WDR7: variants seen among roughly 807,000 people sequenced by gnomAD.
WDR7 encodes WD repeat-containing protein 7.
A neutral mutation model predicts 169.4 loss-of-function variants in WDR7; 46 were observed. The ratio of observed to expected loss-of-function variants is 0.27; its 90% CI spans 0.21 to 0.35. WDR7 has a LOEUF of 0.35. WDR7 is among the 10% of genes least tolerant of loss of function. The probability of loss-of-function intolerance (pLI) is 1.00; values close to 1 mark genes in which losing one functional copy is unlikely to be tolerated. For synonymous variants in WDR7, 612 were observed against 666.8 expected (o/e 0.92, Z 1.27); for missense variants, 1,534 against 1,859.3 (o/e 0.83, Z 3.22).
downstream of WDR7, chr18:57,034,374 G>C (rs1338900954): frequency 6.6e-6 from 1 of 152,148 alleles, no homozygotes; most frequent in Non-Finnish European, 1.5e-5. Context: ...TTTCCTTACA[G>C]ATGCTGATCC....
At chr18:56,791,155 G>A (rs1258816146) in intron 19 of WDR7, among the ~76,000 whole-genome samples, 2 of 152,078 alleles carry the variant, frequency 1.3e-5, no homozygotes, top group African/African-American at 4.8e-5. Flanking sequence ...GTGTGTGTGT[G>A]TATAATCTTA....
intron 19 of WDR7, among the ~76,000 whole-genome samples, chr18:56,786,085 T>G (rs2044395190): frequency 6.6e-6 from 1 of 152,168 alleles, no homozygotes; most frequent in South Asian, 2.1e-4. Context: ...GTTTCTATAG[T>G]TTTGTTCTCT....
At position 56,733,164 on chromosome 18, in the gene WDR7, G is replaced by A. The variant is rs531762910; in HGVS notation, c.1989+1567G>A. 1.9e-3 allele frequency among the ~76,000 whole-genome samples: 284 copies of A among 152,294 alleles called. 1 individual carries two copies. The highest frequency in any genetic ancestry group is 3.2e-3 in the Non-Finnish European group (219 of 68,008). On this transcript the variant is annotated intron_variant, in intron 14 of 27. Transcript: ENST00000254442. The stretch of plus-strand genomic sequence containing the variant: ...TTATGTATTGTAAAATATATTGCTT[G>A]TGAACCTCCTTAGTCTTGTAGCAGT...
chr18:56,721,282 TA>T (rs145179353), intron 13 of WDR7, among the ~76,000 whole-genome samples: 4,955 of 152,250 alleles, frequency 0.033, 268 homozygotes, highest in African/African-American at 0.11. Context: ...GTCTTTCCTT[TA>T]TACGTTTATG....
intron 20 of WDR7, among the ~76,000 whole-genome samples, chr18:56,855,962 C>T (rs1047610644): frequency 6.6e-6 from 1 of 152,118 alleles, no homozygotes; most frequent in African/African-American, 2.4e-5. Flanking sequence ...AGGGGCTCAG[C>T]TATTCATGAC....
chr18:56,823,071 C>T (rs2045127176), intron 20 of WDR7, among the ~76,000 whole-genome samples: 1 of 152,086 alleles, frequency 6.6e-6, no homozygotes, highest in African/African-American at 2.4e-5. Context: ...TATTAAAATA[C>T]AGAAAAAAAT....
chr18:56,877,649 T>C (rs995387155), intron 20 of WDR7, among the ~76,000 whole-genome samples: 2 of 152,222 alleles, frequency 1.3e-5, no homozygotes, highest in Admixed American at 6.5e-5. Context: ...TATCTGTTGG[T>C]GTTATCTATC....
chr18:56,959,920 C>A (rs991455667), intron 25 of WDR7, among the ~76,000 whole-genome samples: 16 of 152,124 alleles, frequency 1.1e-4, no homozygotes, highest in Non-Finnish European at 2.2e-4. Flanking sequence ...GCTCTGGAAG[C>A]CTCAGCAGGG....
At chr18:56,686,322 T>C (rs1305980197) in intron 6 of WDR7, among the ~76,000 whole-genome samples, 1 of 152,128 alleles carries the variant, frequency 6.6e-6, no homozygotes, top group Non-Finnish European at 1.5e-5. Context: ...CCTCAACTGC[T>C]TCTGTTTAAA....
chr18:56,757,307 C>A lies in WDR7; in HGVS notation c.2714C>A (p.Thr905Asn). Residue 905 changes from threonine to asparagine, a missense_variant, in exon 15 of 28, where the codon ACC becomes AAC. By Grantham distance (65) the Thr-to-Asn change is moderately conservative. Transcript: ENST00000254442. ...ISLANTLMSM[T>N]NATFIGDHMK... ...TTGGCAAATACTTTAATGAGTATGA[C>A]CAATGCAACTTTTATTGGTGATCAT... 1 of 1,613,242 alleles carries A rather than the reference C, an allele frequency of 6.2e-7. No homozygotes were observed. Among genetic ancestry groups the A allele is most frequent in the Non-Finnish European group, 8.5e-7 (1 of 1,179,356 alleles).
At chr18:56,738,340 T>G (rs935319290) in intron 14 of WDR7, among the ~76,000 whole-genome samples, 1 of 152,066 alleles carries the variant, frequency 6.6e-6, no homozygotes, top group Non-Finnish European at 1.5e-5. Context: ...GAGGCCGAGG[T>G]AGGCGGATCG....
chr18:56,849,737 C>T (rs2045615306), intron 20 of WDR7, among the ~76,000 whole-genome samples: 1 of 152,074 alleles, frequency 6.6e-6, no homozygotes, highest in African/African-American at 2.4e-5. Context: ...TTAAAACTTT[C>T]CAATAGCTTT....
At chr18:56,802,999 A>G (rs1366122722) in intron 19 of WDR7, among the ~76,000 whole-genome samples, 1 of 151,336 alleles carries the variant, frequency 6.6e-6, no homozygotes, top group Non-Finnish European at 1.5e-5. Context: ...TGCTTGTTTC[A>G]TGCTTTTTAT....
At chr18:56,869,210 T>C (rs1003880338) in intron 20 of WDR7, among the ~76,000 whole-genome samples, 3 of 152,206 alleles carry the variant, frequency 2.0e-5, no homozygotes, top group Non-Finnish European at 4.4e-5. Context: ...TCATATATTT[T>C]GCATTTATCT....
chr18:56,932,517 T>C (rs1391080094), intron 22 of WDR7, among the ~76,000 whole-genome samples: 1 of 152,240 alleles, frequency 6.6e-6, no homozygotes, highest in Non-Finnish European at 1.5e-5. Flanking sequence ...GCTAGGCCTC[T>C]TGGCTTGAAG....
intron 20 of WDR7, among the ~76,000 whole-genome samples, chr18:56,818,545 A>G (rs948626604): frequency 1.3e-5 from 2 of 152,202 alleles, no homozygotes; most frequent in African/African-American, 4.8e-5. Context: ...AACTTAAATA[A>G]CTAAAAAATG....
chr18:56,891,367 A>G (rs2046261366), intron 21 of WDR7, among the ~76,000 whole-genome samples: 2 of 152,114 alleles, frequency 1.3e-5, no homozygotes, highest in African/African-American at 4.8e-5. Flanking sequence ...GATTTCCTTA[A>G]CTAAGACACA....
intron 21 of WDR7, among the ~76,000 whole-genome samples, chr18:56,900,100 AT>A (rs1208938349): frequency 6.1e-5 from 9 of 148,298 alleles, no homozygotes; most frequent in African/African-American, 2.2e-4. Flanking sequence ...ATATATATAT[AT>A]ATATATATAA....
chr18:56,696,136 C>CTG, intron 11 of WDR7, 106 bp from the exon 12 acceptor site: 1 of 944,162 alleles, frequency 1.1e-6, no homozygotes, highest in African/African-American at 1.7e-5. Flanking sequence ...GAAGCCTTTG[C>CTG]TGTGATATAA....
Sources: allele counts gnomAD v4.1 joint callset (sites outside exome capture counted in the v4.1 genomes callset), GRCh38; gene constraint gnomAD v4.1.1; transcripts MANE v1.5; gene names NCBI Gene and HGNC (gene_info 2026-07-23, HGNC 2026-07-21).